SLC30A6: variants seen among roughly 807,000 people sequenced by gnomAD.
SLC30A6 encodes zinc transporter 6.
A neutral mutation model predicts 63.0 loss-of-function variants in SLC30A6; 55 were observed. The ratio of observed to expected loss-of-function variants is 0.87; its 90% CI spans 0.70 to 1.09. The LOEUF is 1.09. SLC30A6 is among the 50% of genes least tolerant of loss of function. The pLI is 0.00. For missense variants in SLC30A6, 587 were observed against 549.2 expected (o/e 1.07, Z -0.69); for synonymous variants, 224 against 186.1 (o/e 1.20, Z -1.66).
At chr2:32,212,611 T>TTTTTTG in intron 13 of SLC30A6, among the ~76,000 whole-genome samples, 2 of 143,842 alleles carry the variant, frequency 1.4e-5, no homozygotes, top group African/African-American at 2.6e-5. Flanking sequence ...TTTTTTTTTT[T>TTTTTTG]GAGACAGGGT....
intron 13 of SLC30A6, among the ~76,000 whole-genome samples, chr2:32,212,555 T>G (rs1242870856): frequency 5.3e-5 from 8 of 150,534 alleles, no homozygotes; most frequent in Non-Finnish European, 4.4e-5. Context: ...ATTTTTGTTC[T>G]GGCTTTCTTC....
At chr2:32,175,519 T>TATTTTATG (rs1361451847) in intron 4 of SLC30A6, among the ~76,000 whole-genome samples, 158 bp downstream of exon 4, 1 of 152,198 alleles carries the variant, frequency 6.6e-6, no homozygotes, top group Non-Finnish European at 1.5e-5. Context: ...AAGGACCACA[T>TATTTTATG]ATTTTATGAT....
intron 4 of SLC30A6, 143 bp from the exon 5 acceptor site, chr2:32,184,130 A>G (rs1420267891): frequency 7.1e-6 from 2 of 283,278 alleles, no homozygotes; most frequent in African/African-American, 2.2e-5. Context: ...AATTATCTTA[A>G]TAAATTATTA....
chr2:32,209,313 T>G (rs551924825), intron 12 of SLC30A6, among the ~76,000 whole-genome samples, 180 bp from the exon 13 acceptor site: 3 of 152,098 alleles, frequency 2.0e-5, no homozygotes, highest in Non-Finnish European at 4.4e-5. Context: ...AGGTCTTGGG[T>G]CAGTATGGAA....
chr2:32,198,182 C>A (rs1683964880), intron 10 of SLC30A6, among the ~76,000 whole-genome samples: 1 of 152,066 alleles, frequency 6.6e-6, no homozygotes, highest in African/African-American at 2.4e-5. Flanking sequence ...AAAAATAAAG[C>A]CTTTTAGGAA....
At position 32,202,291 on chromosome 2, in the gene SLC30A6, C is replaced by T. The variant is rs568113085; in HGVS notation, c.666-2299C>T. 19 of 495,034 alleles carry T rather than the reference C, an allele frequency of 3.8e-5. No individual in the cohort carries two copies. In the South Asian group the frequency reaches 4.2e-4, roughly 11 times the overall value. The allele number at this position is 495,034 out of a possible 1,614,324, so 30.7% of individuals were successfully genotyped here. A position where few individuals can be genotyped will look rare whatever the true frequency, so the allele number is the denominator to read the frequency against. On this transcript the variant is annotated intron_variant, in intron 10 of 13. Transcript: ENST00000282587. The stretch of plus-strand genomic sequence containing the variant: ...AAAGAAAGACATTCTATTTTGCGAT[C>T]CCTTTGATTGAAAGACTCCAAAGAG...
At chr2:32,219,947 C>G (rs1293765992) in intron 13 of SLC30A6, among the ~76,000 whole-genome samples, 1 of 152,054 alleles carries the variant, frequency 6.6e-6, no homozygotes, top group Non-Finnish European at 1.5e-5. Context: ...TTGTATGTTT[C>G]ATTTATATTC....
intron 11 of SLC30A6, 106 bp downstream of exon 11, chr2:32,204,798 T>C: frequency 2.2e-6 from 1 of 463,292 alleles, no homozygotes; most frequent in Non-Finnish European, 3.3e-6. Context: ...TTTATTTTTA[T>C]TTTTTAATTT....
chr2:32,201,750 T>G, intron 10 of SLC30A6: 1 of 1,353,614 alleles, frequency 7.4e-7, no homozygotes, highest in Admixed American at 2.0e-5. Context: ...TATATGGTTT[T>G]TATGAAGATT....
chr2:32,175,383 A>G, intron 4 of SLC30A6, 22 bp downstream of exon 4: 1 of 1,606,064 alleles, frequency 6.2e-7, no homozygotes, highest in African/African-American at 1.3e-5. Context: ...GGAAATCTTA[A>G]TGTTTTGGAG....
intron 12 of SLC30A6, among the ~76,000 whole-genome samples, chr2:32,207,294 T>G (rs372889028): frequency 3.2e-4 from 49 of 152,166 alleles, no homozygotes; most frequent in African/African-American, 1.1e-3. Context: ...CACTGCAACC[T>G]CCACCTCCCA....
chr2:32,194,692 G>A (rs181380808), intron 8 of SLC30A6, among the ~76,000 whole-genome samples: 1 of 151,710 alleles, frequency 6.6e-6, no homozygotes, highest in Non-Finnish European at 1.5e-5. Context: ...TCTCACTCTA[G>A]GATAGTCAAG....
chr2:32,189,895 C>G (rs574193799), intron 5 of SLC30A6, among the ~76,000 whole-genome samples: 21 of 152,096 alleles, frequency 1.4e-4, no homozygotes, highest in Admixed American at 1.4e-3. Context: ...GCCACCGTGC[C>G]CAGCTGTTAT....
At position 32,184,315 on chromosome 2, in the gene SLC30A6, A is replaced by G; in HGVS notation, c.261A>G (p.Lys87=). ...CLISYWVTLR[K]PSPVYSFGFE... is the part of the protein sequence containing the mutation. ...TAAGTTACTGGGTAACATTGAGGAA[A>G]CCTAGCCCTGTCTATTCATTTGGGT... The change falls in exon 5 of 14, where the codon AAA becomes AAG. Residue 87 remains lysine, a synonymous_variant. Coordinates refer to ENST00000282587, the MANE Select transcript of SLC30A6 (RefSeq NM_017964.5). 6.6e-7 allele frequency: 1 copy of G among 1,521,900 alleles called. No homozygotes were observed. The highest frequency in any genetic ancestry group is 8.9e-7 in the Non-Finnish European group (1 of 1,128,508). 94.3% of individuals were successfully genotyped at this position (1,521,900 alleles called of 1,614,324 possible).
At chr2:32,171,526 T>A (rs1314798655) in intron 2 of SLC30A6, among the ~76,000 whole-genome samples, 153 bp downstream of exon 2, 1 of 152,172 alleles carries the variant, frequency 6.6e-6, no homozygotes, top group African/African-American at 2.4e-5. Context: ...TAGTGTAAAA[T>A]TGCAGTTGTT....
At chr2:32,185,132 G>A (rs888135752) in intron 5 of SLC30A6, among the ~76,000 whole-genome samples, 3 of 152,036 alleles carry the variant, frequency 2.0e-5, no homozygotes, top group Admixed American at 2.0e-4. Context: ...ACTTTGGTAG[G>A]TTGAGGCAGG....
intron 2 of SLC30A6, among the ~76,000 whole-genome samples, chr2:32,173,820 A>C (rs1681456633): frequency 6.6e-6 from 1 of 152,206 alleles, no homozygotes; most frequent in African/African-American, 2.4e-5. Context: ...ACTATTTGAG[A>C]ATTTCTATGT....
intron 8 of SLC30A6, among the ~76,000 whole-genome samples, chr2:32,194,532 C>T (rs2148858326): frequency 6.6e-6 from 1 of 152,020 alleles, no homozygotes; most frequent in South Asian, 2.1e-4. Flanking sequence ...TTTCTTTTTT[C>T]AATAATTTCA....
chr2:32,197,629 AAG>A (rs1288283162), intron 9 of SLC30A6, 76 bp from the exon 10 acceptor site: 2 of 1,589,810 alleles, frequency 1.3e-6, no homozygotes, highest in African/African-American at 2.7e-5. Flanking sequence ...ACCAAAATAC[AAG>A]TTATCTTTTA....
Sources: allele counts gnomAD v4.1 joint callset (sites outside exome capture counted in the v4.1 genomes callset), GRCh38; gene constraint gnomAD v4.1.1; transcripts MANE v1.5; gene names NCBI Gene and HGNC (gene_info 2026-07-23, HGNC 2026-07-21).